EPHA6: variants seen among roughly 807,000 people sequenced by gnomAD.
EPHA6 encodes EPH receptor A6.
EPHA6 carries 50 observed loss-of-function variants against 112.0 expected under a neutral mutation model. That is an observed-to-expected ratio of 0.45 (90% CI 0.36 to 0.56). The LOEUF (loss-of-function observed/expected upper bound fraction) is 0.56, where lower values mean the gene tolerates loss of function less well. EPHA6 is among the 20% of genes least tolerant of loss of function. The pLI, the probability that EPHA6 is intolerant of heterozygous loss-of-function variation, is 0.00. For missense variants in EPHA6, 1,280 were observed against 1,417.4 expected, an observed-to-expected ratio of 0.90 and a Z score of 1.56; for synonymous variants, 529 against 490.7, an observed-to-expected ratio of 1.08 and a Z score of -1.03.
At chr3:97,222,812 G>A (rs751695631) in intron 3 of EPHA6, among the ~76,000 whole-genome samples, 32 of 152,130 alleles carry the variant, frequency 2.1e-4, no homozygotes, top group Non-Finnish European at 2.8e-4. Context: ...ACTAAGCACC[G>A]GACAAATCTG....
intron 5 of EPHA6, among the ~76,000 whole-genome samples, chr3:97,255,221 G>T (rs1418144554): frequency 1.3e-5 from 2 of 151,434 alleles, no homozygotes; most frequent in Non-Finnish European, 2.9e-5. Context: ...TCTCTCAAAT[G>T]AGTGCTATGA....
At position 97,752,914 on chromosome 3, in the gene EPHA6, T is replaced by A. The variant is rs988151983; in HGVS notation, c.*4213T>A. 6.6e-6 allele frequency among the ~76,000 whole-genome samples: 1 copy of A among 152,112 alleles called. No homozygotes were observed. The highest frequency in any genetic ancestry group is 2.4e-5 in the African/African-American group (1 of 41,444). On this transcript the variant is annotated 3_prime_UTR_variant, in exon 18 of 18. Transcript: ENST00000389672. ...CTTCTTTTAGTATGAGCATCTTAAC[T>A]TTTCCAATCTCAAATTCTGTGAAGT...
intron 2 of EPHA6, among the ~76,000 whole-genome samples, chr3:96,890,197 A>AG (rs1238925682): frequency 2.0e-5 from 3 of 152,152 alleles, no homozygotes; most frequent in African/African-American, 7.2e-5. Flanking sequence ...ATTCATTAAA[A>AG]GAAACCAGTA....
chr3:97,287,382 G>A (rs956655345), intron 5 of EPHA6, among the ~76,000 whole-genome samples: 1 of 151,814 alleles, frequency 6.6e-6, no homozygotes, highest in Non-Finnish European at 1.5e-5. Flanking sequence ...TAACAATGGC[G>A]TGAACCTGGG....
At chr3:97,720,126 T>C (rs1355548008) in intron 14 of EPHA6, 135 bp from the exon 15 acceptor site, 2 of 683,576 alleles carry the variant, frequency 2.9e-6, no homozygotes, top group African/African-American at 3.7e-5. Flanking sequence ...TCTGGCTTTC[T>C]TTTGATTTTA....
At chr3:97,436,996 C>G (rs946998664) in intron 6 of EPHA6, among the ~76,000 whole-genome samples, 4 of 152,010 alleles carry the variant, frequency 2.6e-5, no homozygotes, top group Admixed American at 6.6e-5. Flanking sequence ...TTGACTGCAG[C>G]CCAATACAAA....
intron 5 of EPHA6, among the ~76,000 whole-genome samples, chr3:97,328,080 A>ATATATATGG (rs2082572857): frequency 9.8e-5 from 7 of 71,392 alleles, no homozygotes; most frequent in African/African-American, 5.8e-4. Context: ...TATATATATA[A>ATATATATGG]CCTGTTTTGT....
At chr3:97,097,314 AT>A (rs1363733077) in intron 3 of EPHA6, among the ~76,000 whole-genome samples, 3 of 151,856 alleles carry the variant, frequency 2.0e-5, no homozygotes, top group African/African-American at 7.2e-5. Flanking sequence ...GATTGACAAC[AT>A]TGCTATATTT....
intron 2 of EPHA6, among the ~76,000 whole-genome samples, chr3:96,928,857 C>G (rs896733992): frequency 1.3e-5 from 2 of 152,194 alleles, no homozygotes; most frequent in Non-Finnish European, 2.9e-5. Flanking sequence ...GGATTGAACT[C>G]TTTACCATTA....
intron 2 of EPHA6, among the ~76,000 whole-genome samples, chr3:96,913,268 G>C (rs1297397431): frequency 6.6e-6 from 1 of 151,180 alleles, no homozygotes; most frequent in Non-Finnish European, 1.5e-5. Flanking sequence ...TACTCAAGAG[G>C]CTAAGGTGGG....
chr3:97,431,663 C>A lies in EPHA6; in HGVS notation c.1732-16905C>A, dbSNP rs79306079. 8.2e-3 allele frequency among the ~76,000 whole-genome samples: 1,250 copies of A among 152,176 alleles called. 20 individuals are homozygous for A. Among genetic ancestry groups the A allele is most frequent in the African/African-American group, 0.028 (1,167 of 41,534 alleles). ...CTATTACAACTCCTGTTATCCACAACTCCTTGGTAATTTTCCTCCTATTTA... is the reference window on the plus strand; with the variant it reads ...CTATTACAACTCCTGTTATCCACAAATCCTTGGTAATTTTCCTCCTATTTA... On this transcript the variant is annotated intron_variant, in intron 6 of 17. Transcript: ENST00000389672.
At chr3:97,084,734 C>T (rs2046839824) in intron 3 of EPHA6, among the ~76,000 whole-genome samples, 1 of 152,012 alleles carries the variant, frequency 6.6e-6, no homozygotes, top group Admixed American at 6.6e-5. Context: ...CAAAACACTG[C>T]TGAAAGATAT....
chr3:97,375,982 C>T (rs1393434048), intron 5 of EPHA6, among the ~76,000 whole-genome samples: 2 of 152,094 alleles, frequency 1.3e-5, no homozygotes, highest in Non-Finnish European at 2.9e-5. Flanking sequence ...TATCCAGTAT[C>T]TTGAGTACAA....
chr3:97,028,266 C>A (rs1047289532), intron 3 of EPHA6, among the ~76,000 whole-genome samples: 5 of 151,962 alleles, frequency 3.3e-5, no homozygotes, highest in East Asian at 1.9e-4. Context: ...AGAATTTAAC[C>A]ACTTTAAATA....
Position 97,759,582 on chromosome 3 carries a change from T to C in EPHA6, c.*10881T>C. ...GATAGAGGGGTTGCGATTTAAAGCA[T>C]AAGTAGGGAGGTTAATTTTTGATAG... On this transcript the variant is annotated 3_prime_UTR_variant, in exon 18 of 18. Coordinates refer to ENST00000389672, the MANE Select transcript of EPHA6 (RefSeq NM_001080448.3). 1 of 231,084 alleles carries C rather than the reference T, an allele frequency of 4.3e-6. No individual in the cohort carries two copies. Among genetic ancestry groups the C allele is most frequent in the East Asian group, 6.2e-5 (1 of 16,260 alleles). 14.3% of individuals were successfully genotyped at this position (231,084 alleles called of 1,614,324 possible). A position where few individuals can be genotyped will look rare whatever the true frequency, so the allele number is the denominator to read the frequency against.
At chr3:97,293,864 T>C (rs2108692399) in intron 5 of EPHA6, among the ~76,000 whole-genome samples, 1 of 152,322 alleles carries the variant, frequency 6.6e-6, no homozygotes, top group East Asian at 1.9e-4. Context: ...TGCAAGCCTG[T>C]GCCAAGCCAC....
chr3:96,851,033 A>G (rs2035352303), intron 1 of EPHA6, among the ~76,000 whole-genome samples: 1 of 152,138 alleles, frequency 6.6e-6, no homozygotes, highest in South Asian at 2.1e-4. Context: ...TAGAGGAGAT[A>G]TATTCTATGT....
chr3:97,681,747 TA>T (rs1055658056), intron 14 of EPHA6, among the ~76,000 whole-genome samples: 5 of 152,024 alleles, frequency 3.3e-5, no homozygotes, highest in African/African-American at 1.2e-4. Context: ...TACTTCATTA[TA>T]AATGAAGAAA....
chr3:97,715,239 A>C (rs1357163689), intron 14 of EPHA6, among the ~76,000 whole-genome samples: 2 of 151,992 alleles, frequency 1.3e-5, no homozygotes, highest in Non-Finnish European at 2.9e-5. Flanking sequence ...AAATGTCAAA[A>C]CTCATTATAG....
Sources: gnomAD v4.1 joint callset for allele counts (sites outside exome capture counted in the v4.1 genomes callset) on GRCh38, gnomAD v4.1.1 for gene constraint, MANE v1.5 for transcripts, NCBI Gene and HGNC (gene_info 2026-07-23, HGNC 2026-07-21) for gene names.